The following PRSS12 variants were observed in gnomAD, a reference collection of about 807,000 sequenced individuals.
The protein encoded by PRSS12 is neurotrypsin.
A neutral mutation model predicts 104.4 loss-of-function variants in PRSS12; 85 were observed. That is an observed-to-expected ratio of 0.81 (90% CI 0.68 to 0.98). PRSS12 has a LOEUF of 0.98. Ranked by LOEUF, PRSS12 falls within the 50% of genes least tolerant of loss-of-function variation. The pLI is 0.00. For missense variants in PRSS12, 1,141 were observed against 1,139.2 expected (o/e 1.00, Z -0.02); for synonymous variants, 454 against 425.2 (o/e 1.07, Z -0.83).
chr4:118,321,503 C>T (rs1185346950), intron 4 of PRSS12, among the ~76,000 whole-genome samples: 2 of 152,150 alleles, frequency 1.3e-5, no homozygotes, highest in African/African-American at 4.8e-5. Context: ...ACCTTCCAGG[C>T]TTAGGATGCA....
At chr4:118,294,147 T>C (rs975848383) in intron 11 of PRSS12, among the ~76,000 whole-genome samples, 1 of 152,220 alleles carries the variant, frequency 6.6e-6, no homozygotes, top group African/African-American at 2.4e-5. Context: ...GTTTCAACAA[T>C]GTGGTACACA....
chr4:118,328,291 C>G (rs1362763679), intron 4 of PRSS12, among the ~76,000 whole-genome samples: 1 of 152,142 alleles, frequency 6.6e-6, no homozygotes, highest in African/African-American at 2.4e-5. Flanking sequence ...CTCTATAAAG[C>G]TGGATTGTTA....
intron 8 of PRSS12, among the ~76,000 whole-genome samples, chr4:118,306,923 G>A (rs898970682): frequency 2.0e-5 from 3 of 151,870 alleles, no homozygotes; most frequent in Admixed American, 6.6e-5. Context: ...ATTTCCAAAG[G>A]TAATACTAGG....
chr4:118,340,411 A>G (rs1016047857), intron 1 of PRSS12, among the ~76,000 whole-genome samples: 2 of 152,206 alleles, frequency 1.3e-5, no homozygotes, highest in South Asian at 4.1e-4. Flanking sequence ...CTCCAGGCAC[A>G]GCCAGCCCCA....
chr4:118,335,515 G>A lies in PRSS12; in HGVS notation c.778C>T (p.Pro260Ser), dbSNP rs1464429052. ...EKDIWQGGVC[P>S]QKMAAAVTCS... ...GTGACAGCAGCTGCCATCTTCTGAG[G>A]ACACACCCCACCCTGCCAGATGTCT... The change falls in exon 3 of 13, where the codon CCT (proline) becomes TCT (serine). Residue 260 changes from proline to serine, a missense_variant. Coordinates refer to ENST00000296498, the MANE Select transcript of PRSS12 (RefSeq NM_003619.4). 2 of 1,613,886 alleles carry A rather than the reference G, an allele frequency of 1.2e-6. No homozygotes were observed. The highest frequency in any genetic ancestry group is 1.7e-6 in the Non-Finnish European group (2 of 1,179,954).
intron 8 of PRSS12, among the ~76,000 whole-genome samples, chr4:118,304,407 C>G (rs1323933984): frequency 1.3e-5 from 2 of 151,966 alleles, no homozygotes; most frequent in South Asian, 2.1e-4. Context: ...AGTGGTATAA[C>G]TGTTTTATAT....
chr4:118,320,527 G>A (rs999219171), intron 4 of PRSS12, among the ~76,000 whole-genome samples: 2 of 152,114 alleles, frequency 1.3e-5, no homozygotes, highest in Admixed American at 1.3e-4. Context: ...CAAGGTGGGT[G>A]GACTACTTGA....
At chr4:118,319,930 C>T (rs1007089716) in intron 4 of PRSS12, among the ~76,000 whole-genome samples, 1 of 152,146 alleles carries the variant, frequency 6.6e-6, no homozygotes, top group South Asian at 2.1e-4. Context: ...CCCACCTCAA[C>T]CTCCCAAAAG....
At chr4:118,348,578 C>T (rs1724412505) in intron 1 of PRSS12, among the ~76,000 whole-genome samples, 1 of 152,102 alleles carries the variant, frequency 6.6e-6, no homozygotes, top group Non-Finnish European at 1.5e-5. Flanking sequence ...TTAACAAGTC[C>T]CAAGGTGTTT....
intron 8 of PRSS12, chr4:118,303,585 G>C (rs935192960): frequency 1.1e-4 from 16 of 152,060 alleles, no homozygotes; most frequent in African/African-American, 3.6e-4. Context: ...CTGGTTTACT[G>C]AATCTAGTAA....
At chr4:118,302,811 T>C (rs139265744) in intron 8 of PRSS12, among the ~76,000 whole-genome samples, 1 of 151,232 alleles carries the variant, frequency 6.6e-6, no homozygotes, top group East Asian at 1.9e-4. Context: ...TTTACTTGTA[T>C]TGTCTCTCCT....
At chr4:118,351,550 T>C (rs1452778151) in intron 1 of PRSS12, among the ~76,000 whole-genome samples, 1 of 152,200 alleles carries the variant, frequency 6.6e-6, no homozygotes, top group African/African-American at 2.4e-5. Context: ...TGGAAAACTG[T>C]GTATAACTAT....
At chr4:118,336,706 A>G (rs549895769) in intron 2 of PRSS12, among the ~76,000 whole-genome samples, 11 of 152,330 alleles carry the variant, frequency 7.2e-5, no homozygotes, top group African/African-American at 2.6e-4. Context: ...CACCTCCACT[A>G]TAGCGTTCTT....
chr4:118,314,787 GA>G (rs969326744), intron 6 of PRSS12, among the ~76,000 whole-genome samples: 14 of 151,646 alleles, frequency 9.2e-5, no homozygotes, highest in African/African-American at 2.2e-4. Context: ...AAAATATGAA[GA>G]AAAAAATCAG....
intron 11 of PRSS12, among the ~76,000 whole-genome samples, chr4:118,287,198 G>A (rs899889448): frequency 6.6e-6 from 1 of 152,012 alleles, no homozygotes; most frequent in Non-Finnish European, 1.5e-5. Flanking sequence ...AGGCTGGAGC[G>A]CAGTGGTGCG....
At chr4:118,299,794 T>A (rs1462225983) in intron 8 of PRSS12, among the ~76,000 whole-genome samples, 25 of 64,438 alleles carry the variant, frequency 3.9e-4, no homozygotes, top group African/African-American at 9.7e-4. Context: ...TAAAATAAAA[T>A]AAATAAAATA....
chr4:118,341,031 C>T (rs1341564385), intron 1 of PRSS12, among the ~76,000 whole-genome samples: 1 of 152,048 alleles, frequency 6.6e-6, no homozygotes, highest in Non-Finnish European at 1.5e-5. Context: ...TTTTTAAGGC[C>T]AGTTTTTACA....
intron 1 of PRSS12, among the ~76,000 whole-genome samples, chr4:118,351,576 C>T (rs1724506146): frequency 6.6e-6 from 1 of 152,170 alleles, no homozygotes; most frequent in Non-Finnish European, 1.5e-5. Context: ...GTTGCTACTT[C>T]ACCAAGATAG....
intron 8 of PRSS12, among the ~76,000 whole-genome samples, chr4:118,301,066 CA>C (rs55671156): frequency 0.12 from 18,005 of 151,590 alleles, 1,350 homozygotes; most frequent in South Asian, 0.2. Context: ...TTATTTATTG[CA>C]TTTTTTAAAT....
Sources: allele counts gnomAD v4.1 joint callset (sites outside exome capture counted in the v4.1 genomes callset), GRCh38; gene constraint gnomAD v4.1.1; transcripts MANE v1.5; gene names NCBI Gene and HGNC (gene_info 2026-07-23, HGNC 2026-07-21).